The following CFLAR variants were observed in gnomAD, a reference collection of about 807,000 sequenced individuals.
CFLAR encodes the protein CASP8 and FADD like apoptosis regulator.
A neutral mutation model predicts 51.1 loss-of-function variants in CFLAR; 14 were observed. The observed-to-expected ratio is 0.27, with a 90% confidence interval of 0.18 to 0.43. CFLAR has a LOEUF of 0.43. Ranked by LOEUF, CFLAR falls within the 20% of genes least tolerant of loss-of-function variation. The pLI is 1.00. For missense variants in CFLAR, 390 were observed against 566.5 expected (o/e 0.69, Z 3.16); for synonymous variants, 210 against 211.6 (o/e 0.99, Z 0.06).
chr2:201,136,103 G>T lies in CFLAR; in HGVS notation c.519G>T (p.Gln173His). The T allele has an allele frequency of 6.2e-7, 1 of 1,613,922 alleles. No homozygotes were observed. Among genetic ancestry groups the T allele is most frequent in the Non-Finnish European group, 8.5e-7 (1 of 1,179,982 alleles). Reference sequence around the variant, plus strand: ...AGACAAAAATCCAGAAGTACAAGCAGTCTGGTAAGAATTTTGGCCTCTCAG... The same window carrying T: ...AGACAAAAATCCAGAAGTACAAGCATTCTGGTAAGAATTTTGGCCTCTCAG... ...DLKTKIQKYK[Q>H]SVQGAGTSYR... The change falls in exon 4 of 10, where the codon CAG (glutamine) becomes CAT (histidine). Residue 173 changes from glutamine to histidine, a missense_variant. By Grantham distance (24) the Gln-to-His change is conservative. Around this residue, in one of 2 missense-constraint regions of CFLAR, gnomAD observed 287 missense variants for 363.6 expected, o/e 0.79. Transcript: ENST00000309955.
rs753547859 is a variant in CFLAR, at chr2:201,116,230, C to T, written c.-389C>T. ...GACGAGTCTCAACTAAAAGGGACTCCCGGAGCTAGGGGTGGGGACTCGGCC... is the reference window on the plus strand; with the variant it reads ...GACGAGTCTCAACTAAAAGGGACTCTCGGAGCTAGGGGTGGGGACTCGGCC... On this transcript the variant is annotated 5_prime_UTR_variant, in exon 1 of 10. Coordinates refer to ENST00000309955, the MANE Select transcript of CFLAR (RefSeq NM_003879.7). This position sits in a 1 kb window ranked among gnomAD's most constrained non-coding sequence, Gnocchi z 4.8. 3.3e-5 allele frequency: 5 copies of T among 152,236 alleles called. No individual in the cohort carries two copies. The highest frequency in any genetic ancestry group is 1.3e-4 in the Admixed American group (2 of 15,272). 9.4% of individuals were successfully genotyped at this position (152,236 alleles called of 1,614,324 possible).
intron 4 of CFLAR, chr2:201,137,707 A>G: frequency 1.3e-6 from 1 of 769,008 alleles, no homozygotes; most frequent in Non-Finnish European, 2.4e-6. Context: ...TTCTGAATGG[A>G]CCCTTTGTCC....
intron 8 of CFLAR, among the ~76,000 whole-genome samples, chr2:201,157,151 C>T (rs990610868): frequency 2.6e-5 from 4 of 152,136 alleles, no homozygotes; most frequent in South Asian, 2.1e-4. Context: ...TGGATCCTCA[C>T]GGTCACCTTT....
chr2:201,159,133 C>T (rs916832958), intron 8 of CFLAR, among the ~76,000 whole-genome samples: 2 of 151,796 alleles, frequency 1.3e-5, no homozygotes, highest in Non-Finnish European at 2.9e-5. Flanking sequence ...CCGTCTCGGC[C>T]TCCCAAAGTG....
rs190833561 is a variant in CFLAR at position 201,149,966 on chromosome 2, G to A, written c.793+131G>A. 7.5e-6 allele frequency: 5 copies of A among 670,904 alleles called. No homozygotes were observed. In the East Asian group the frequency reaches 1.5e-4, roughly 20 times the overall value. The allele number at this position is 670,904 out of a possible 1,614,324, so 41.6% of individuals were successfully genotyped here. A position where few individuals can be genotyped will look rare whatever the true frequency, so the allele number is the denominator to read the frequency against. ...TTCAAGAATCTGTGCTTCATCCTGGGTGCGGTGGCTCATGCCTGGAATTCC... is the reference window on the plus strand; with the variant it reads ...TTCAAGAATCTGTGCTTCATCCTGGATGCGGTGGCTCATGCCTGGAATTCC... On this transcript the variant is annotated intron_variant, in intron 8 of 9. Transcript: ENST00000309955.
intron 2 of CFLAR, among the ~76,000 whole-genome samples, chr2:201,131,825 C>T (rs1200615773): frequency 1.1e-4 from 16 of 152,068 alleles, no homozygotes; most frequent in Non-Finnish European, 1.5e-5. Flanking sequence ...CAATTATGGG[C>T]CAGGCAGGCT....
intron 6 of CFLAR, 168 bp from the exon 7 acceptor site, chr2:201,148,835 C>T: frequency 1.8e-6 from 1 of 552,722 alleles, no homozygotes; most frequent in Non-Finnish European, 3.3e-6. Context: ...ATGTCACTTT[C>T]TTCAGTGTGA....
At position 201,170,374 on chromosome 2, in the gene CFLAR, T is replaced by C. The variant is rs1459494242; in HGVS notation, c.*6401T>C. On this transcript the variant is annotated 3_prime_UTR_variant, in exon 10 of 10. Transcript: ENST00000309955. ...GTAATGTTTGTATTGAAATCTTGAGTCTGGCCATGTTTCTATTTTAAATTC... is the reference window on the plus strand; with the variant it reads ...GTAATGTTTGTATTGAAATCTTGAGCCTGGCCATGTTTCTATTTTAAATTC... 1 of 151,686 alleles carries C rather than the reference T, an allele frequency of 6.6e-6. No individual in the cohort carries two copies. The highest frequency in any genetic ancestry group is 6.6e-5 in the Admixed American group (1 of 15,166). 9.4% of individuals were successfully genotyped at this position (151,686 alleles called of 1,614,324 possible). A position where few individuals can be genotyped will look rare whatever the true frequency, so the allele number is the denominator to read the frequency against.
chr2:201,131,451 G>T (rs1218657394), intron 2 of CFLAR, among the ~76,000 whole-genome samples: 2 of 152,158 alleles, frequency 1.3e-5, no homozygotes, highest in Admixed American at 1.3e-4. Context: ...GGCCAGGCTG[G>T]TCTTGAACTC....
chr2:201,152,797 G>A (rs1173494597), intron 8 of CFLAR: 1 of 152,282 alleles, frequency 6.6e-6, no homozygotes, highest in African/African-American at 2.4e-5. Context: ...GAGAATCTAA[G>A]TACAAAGTAC....
rs976489323 is a variant in CFLAR, at chr2:201,166,196, G to C, written c.*2223G>C. 130 of 159,414 alleles carry C rather than the reference G, an allele frequency of 8.2e-4. 1 individual carries two copies. The highest frequency in any genetic ancestry group is 3.0e-3 in the African/African-American group (124 of 41,202). 9.9% of individuals were successfully genotyped at this position (159,414 alleles called of 1,614,324 possible). On this transcript the variant is annotated 3_prime_UTR_variant, in exon 10 of 10. Transcript: ENST00000309955. ...CCCCACCTCCCTCCCGGACGGGATA[G>C]CTGGCCGGGCGGGGGCTGACCCCCC...
intron 1 of CFLAR, among the ~76,000 whole-genome samples, chr2:201,123,140 A>G (rs2048345796): frequency 6.6e-6 from 1 of 152,140 alleles, no homozygotes; most frequent in African/African-American, 2.4e-5. Flanking sequence ...CAATTAGATG[A>G]TGATTTATGA....
chr2:201,160,343 A>T, intron 8 of CFLAR, 89 bp from the exon 9 acceptor site: 2 of 1,371,088 alleles, frequency 1.5e-6, no homozygotes, highest in African/African-American at 2.9e-5. Flanking sequence ...CATAATGGAG[A>T]TTAGACCATG....
At chr2:201,119,989 A>T (rs2048026710) in intron 1 of CFLAR, among the ~76,000 whole-genome samples, 1 of 150,980 alleles carries the variant, frequency 6.6e-6, no homozygotes, top group South Asian at 2.1e-4. Flanking sequence ...GCTTTTTTCT[A>T]AAAAAGATTC....
intron 1 of CFLAR, among the ~76,000 whole-genome samples, chr2:201,126,070 C>T (rs555076412): frequency 6.6e-6 from 1 of 152,136 alleles, no homozygotes; most frequent in Non-Finnish European, 1.5e-5. Context: ...GAAAACGCCA[C>T]ACTTTGAGAT....
At position 201,138,010 on chromosome 2, in the gene CFLAR, C is replaced by A; in HGVS notation, c.523+1903C>A. On this transcript the variant is annotated intron_variant, in intron 4 of 9. Coordinates refer to ENST00000309955, the MANE Select transcript of CFLAR (RefSeq NM_003879.7). This position sits in a 1 kb window ranked among gnomAD's most constrained non-coding sequence, Gnocchi z 4.0. ...ACACCAAAGTTCTGGGTATGCTTGGCCACCTTGTACACAGCAGTGCCCTGG... is the reference window on the plus strand; with the variant it reads ...ACACCAAAGTTCTGGGTATGCTTGGACACCTTGTACACAGCAGTGCCCTGG... 1 of 735,002 alleles carries A rather than the reference C, an allele frequency of 1.4e-6. No homozygotes were observed. The highest frequency in any genetic ancestry group is 2.5e-6 in the Non-Finnish European group (1 of 396,046). The allele number at this position is 735,002 out of a possible 1,614,324, so 45.5% of individuals were successfully genotyped here. A position where few individuals can be genotyped will look rare whatever the true frequency, so the allele number is the denominator to read the frequency against.
intron 4 of CFLAR, chr2:201,139,329 A>T (rs1445284038): frequency 3.3e-5 from 8 of 244,926 alleles, no homozygotes; most frequent in Non-Finnish European, 5.6e-5. Flanking sequence ...TAGGAAAGCC[A>T]GGTATTGTCC....
Position 201,176,278 on chromosome 2 carries a change from C to G in CFLAR, c.*12305C>G, listed in dbSNP as rs79042681. On this transcript the variant is annotated 3_prime_UTR_variant, in exon 10 of 10. Coordinates refer to ENST00000309955, the MANE Select transcript of CFLAR (RefSeq NM_003879.7). ...GATCAGTCTCAGGTGTTTTCTATTG[C>G]GGGGGGGGGGGGCGGGCGGGGGAGC... The G allele has an allele frequency of 5.3e-5, 2 of 37,706 alleles. No individual in the cohort carries two copies. The highest frequency in any genetic ancestry group is 9.8e-5 in the Non-Finnish European group (2 of 20,404). The allele number at this position is 37,706 out of a possible 1,614,324, so 2.3% of individuals were successfully genotyped here.
intron 5 of CFLAR, chr2:201,141,268 C>T (rs1020570955): frequency 7.1e-6 from 10 of 1,417,966 alleles, no homozygotes; most frequent in Non-Finnish European, 6.5e-6. Flanking sequence ...TAATACTGAC[C>T]TCCAATTATT....
Sources: allele counts gnomAD v4.1 joint callset (sites outside exome capture counted in the v4.1 genomes callset), GRCh38; gene constraint gnomAD v4.1.1; regional missense constraint gnomAD v4.1.1; non-coding constraint Gnocchi (gnomAD v3.1); transcripts MANE v1.5; gene names NCBI Gene and HGNC (gene_info 2026-07-23, HGNC 2026-07-21).